VPS13D: variants seen among roughly 807,000 people sequenced by gnomAD.
The protein encoded by VPS13D is intermembrane lipid transfer protein VPS13D.
Under a neutral mutation model 461.9 loss-of-function variants are expected in VPS13D, and 187 were observed. The observed-to-expected ratio is 0.40, with a 90% CI of 0.36 to 0.46. VPS13D has a LOEUF of 0.46. Ranked by LOEUF, VPS13D falls within the 20% of genes least tolerant of loss-of-function variation. The pLI is 0.60. For synonymous variants in VPS13D, 1,951 were observed against 1,986.3 expected (o/e 0.98, Z 0.47); for missense variants, 4,711 against 5,364.9 (o/e 0.88, Z 3.81).
chr1:12,457,763 C>T (rs941807234), intron 66 of VPS13D, among the ~76,000 whole-genome samples: 37 of 152,308 alleles, frequency 2.4e-4, no homozygotes, highest in Non-Finnish European at 2.2e-4. Context: ...CTTTGCTTTT[C>T]CTAAGGCTGC....
intron 23 of VPS13D, among the ~76,000 whole-genome samples, chr1:12,291,750 G>A (rs1423520847): frequency 2.0e-5 from 3 of 152,150 alleles, no homozygotes; most frequent in East Asian, 1.9e-4. Flanking sequence ...TGCAGTCTTC[G>A]TGCATCAGTT....
At chr1:12,322,495 T>C (rs912002384) in intron 33 of VPS13D, 41 bp from the exon 34 acceptor site, 2 of 1,598,252 alleles carry the variant, frequency 1.3e-6, no homozygotes, top group Non-Finnish European at 1.7e-6. Flanking sequence ...GTAAAACCAA[T>C]GCAGCTTTAA....
chr1:12,254,250 A>C (rs1313374282), intron 7 of VPS13D, among the ~76,000 whole-genome samples: 1 of 152,086 alleles, frequency 6.6e-6, no homozygotes, highest in African/African-American at 2.4e-5. Flanking sequence ...TCTGTTGTCC[A>C]TGCTGGTCTC....
chr1:12,336,836 C>T (rs1391143208), intron 39 of VPS13D: 1 of 152,222 alleles, frequency 6.6e-6, no homozygotes, highest in Non-Finnish European at 1.5e-5. Flanking sequence ...CTCCAACCTT[C>T]CCAATTTGTG....
rs779657223 is a variant in VPS13D at position 12,333,263 on chromosome 1, A to G, written c.8325A>G (p.Val2775=). ...TTATTGAGCCTTGGCCATGCTCTGT[A>G]TCCTGGCAACAGCAGGCAGCTAGTC... ...EPFIEPWPCS[V]SWQQQAASRL... is the part of the protein sequence containing the mutation. The change falls in exon 38 of 70, where the codon GTA becomes GTG. Residue 2775 remains valine (V), a synonymous_variant. Coordinates refer to ENST00000620676, the MANE Select transcript of VPS13D (RefSeq NM_015378.4). 15 of 1,614,102 alleles carry G rather than the reference A, an allele frequency of 9.3e-6. No individual in the cohort carries two copies. In the South Asian group the frequency reaches 1.3e-4, roughly 14 times the overall value.
In VPS13D at chr1:12,257,937, G is replaced by A. The variant is rs1269030536; in HGVS notation, c.944G>A (p.Cys315Tyr). The A allele has an allele frequency of 1.2e-6, 2 of 1,614,150 alleles. No individual in the cohort carries two copies. The highest frequency in any genetic ancestry group is 1.1e-5 in the South Asian group (1 of 91,086). Residue 315 changes from cysteine to tyrosine, a missense_variant and splice_region_variant, in exon 10 of 70, where the codon TGC becomes TAC. Physicochemically the swap from Cys to Tyr is radical, Grantham distance 194. Around this residue, in one of 3 missense-constraint regions of VPS13D, gnomAD observed 4,411 missense variants for 4,937.8 expected, o/e 0.89. Transcript: ENST00000620676. ...TACATCGTTATGGACTATTTCAGCT[G>A]CCGAGAATGGTGGTATTTTGCTTTG... ...WKPKVAISKN[C>Y]REWWYFALNA...
At position 12,375,945 on chromosome 1, in the gene VPS13D, G is replaced by A. The variant is rs116364384; in HGVS notation, c.10917+2087G>A. Among the ~76,000 whole-genome samples the A allele has an allele frequency of 2.2e-3, 328 of 152,274 alleles. 2 individuals carry two copies. Among genetic ancestry groups the A allele is most frequent in the African/African-American group, 7.4e-3 (308 of 41,554 alleles). On this transcript the variant is annotated intron_variant, in intron 55 of 69. Transcript: ENST00000620676. ...ACTAAATTATTAGGGAAGGGAGGAA[G>A]GGAACTGGAAGGAGAATGGTGCATC...
chr1:12,497,824 TG>T (rs1645981000), intron 68 of VPS13D, among the ~76,000 whole-genome samples, 193 bp downstream of exon 68: 1 of 152,244 alleles, frequency 6.6e-6, no homozygotes, highest in African/African-American at 2.4e-5. Context: ...CTCAAAGCAG[TG>T]GTTCTCAACT....
intron 1 of VPS13D, among the ~76,000 whole-genome samples, chr1:12,232,440 G>A (rs2101166614): frequency 6.6e-6 from 1 of 152,246 alleles, no homozygotes; most frequent in Admixed American, 6.5e-5. Flanking sequence ...CTGAAAGTAG[G>A]CTGGCTCCAG....
chr1:12,348,817 T>C lies in VPS13D; in HGVS notation c.9070-6T>C. On this transcript the variant is annotated splice_region_variant and splice_polypyrimidine_tract_variant and intron_variant, in intron 44 of 69. Transcript: ENST00000620676. ...TAACTATTTTGTCTTTATCGCTCTT[T>C]CACAGTTCTCTTCACTCCCACCAGT... 1 of 1,613,912 alleles carries C rather than the reference T, an allele frequency of 6.2e-7. No individual in the cohort carries two copies. Among genetic ancestry groups the C allele is most frequent in the African/African-American group, 1.3e-5 (1 of 75,038 alleles).
intron 22 of VPS13D, among the ~76,000 whole-genome samples, chr1:12,289,004 A>G (rs1642051094): frequency 6.6e-6 from 1 of 152,050 alleles, no homozygotes; most frequent in Non-Finnish European, 1.5e-5. Flanking sequence ...ACCATGCCCA[A>G]CTAATTTTTG....
At chr1:12,355,795 A>G (rs1204218815) in intron 47 of VPS13D, 104 bp from the exon 48 acceptor site, 2 of 1,195,918 alleles carry the variant, frequency 1.7e-6, no homozygotes, top group Non-Finnish European at 2.3e-6. Flanking sequence ...GCAGTTAGAT[A>G]CTTAGTTATT....
At chr1:12,435,970 A>G (rs773632527) in intron 65 of VPS13D, among the ~76,000 whole-genome samples, 5 of 152,244 alleles carry the variant, frequency 3.3e-5, no homozygotes, top group South Asian at 2.1e-4. Context: ...AACTCTACAC[A>G]TCGAGCTGAC....
intron 37 of VPS13D, among the ~76,000 whole-genome samples, chr1:12,331,182 G>T (rs1333383988): frequency 6.6e-6 from 1 of 152,128 alleles, no homozygotes; most frequent in African/African-American, 2.4e-5. Context: ...TGCCTTAAGA[G>T]AGCTGAAAGA....
intron 55 of VPS13D, 52 bp downstream of exon 55, chr1:12,373,910 G>A (rs781720171): frequency 4.3e-6 from 6 of 1,410,870 alleles, no homozygotes; most frequent in East Asian, 5.4e-5. Context: ...AGCACTGGAC[G>A]GGACTCAGGA....
chr1:12,272,942 C>A, intron 17 of VPS13D, 61 bp from the exon 18 acceptor site: 1 of 1,579,790 alleles, frequency 6.3e-7, no homozygotes, highest in South Asian at 1.2e-5. Context: ...AATGCTTGAG[C>A]ACCATGGATA....
chr1:12,432,964 C>T (rs1042437966), intron 65 of VPS13D, among the ~76,000 whole-genome samples: 15 of 152,230 alleles, frequency 9.9e-5, no homozygotes, highest in African/African-American at 2.4e-4. Context: ...GACTGCCCCA[C>T]CAGTCCCACA....
At chr1:12,319,378 A>G (rs1642972143) in intron 31 of VPS13D, 119 bp from the exon 32 acceptor site, 3 of 1,423,956 alleles carry the variant, frequency 2.1e-6, no homozygotes, top group Non-Finnish European at 2.9e-6. Context: ...CATTTTGGAG[A>G]AAAATCTTAC....
At chr1:12,278,253 T>C (rs1023411967) in intron 19 of VPS13D, among the ~76,000 whole-genome samples, 2 of 152,140 alleles carry the variant, frequency 1.3e-5, no homozygotes, top group Admixed American at 6.6e-5. Context: ...AAAACAGGAA[T>C]TTACTTACTT....
Sources: gnomAD v4.1 joint callset for allele counts (sites outside exome capture counted in the v4.1 genomes callset) on GRCh38, gnomAD v4.1.1 for gene constraint, gnomAD v4.1.1 regional missense constraint, MANE v1.5 for transcripts, NCBI Gene and HGNC (gene_info 2026-07-23, HGNC 2026-07-21) for gene names.